COL6A3: variants seen among roughly 807,000 people sequenced by gnomAD.
The protein encoded by COL6A3 is collagen type VI alpha 3 chain.
A neutral mutation model predicts 274.1 loss-of-function variants in COL6A3; 137 were observed. The ratio of observed to expected loss-of-function variants is 0.50; its 90% CI spans 0.44 to 0.58. COL6A3 has a LOEUF of 0.58. Ranked by LOEUF, COL6A3 falls within the 20% of genes least tolerant of loss-of-function variation. The pLI is 0.00. For missense variants in COL6A3, 3,950 were observed against 4,124.9 expected, an observed-to-expected ratio of 0.96 and a Z score of 1.16; for synonymous variants, 1,650 against 1,650.6, an observed-to-expected ratio of 1.00 and a Z score of 0.01.
Position 237,324,560 on chromosome 2 carries a change from A to C in COL6A3, c.*214T>G. 1 of 569,264 alleles carries C rather than the reference A, an allele frequency of 1.8e-6. No homozygotes were observed. Among genetic ancestry groups the C allele is most frequent in the Non-Finnish European group, 3.2e-6 (1 of 314,010 alleles). The allele number at this position is 569,264 out of a possible 1,614,324, so 35.3% of individuals were successfully genotyped here. A position where few individuals can be genotyped will look rare whatever the true frequency, so the allele number is the denominator to read the frequency against. On this transcript the variant is annotated 3_prime_UTR_variant, in exon 44 of 44. Transcript: ENST00000295550. ...TTACACAACATTCAAAGTATTCGAG[A>C]GAACTGCCTGGAGACAGAGAGCGAG...
rs1298372881 is a variant in COL6A3, at chr2:237,413,211, G to T, written c.-31+742C>A. Among the ~76,000 whole-genome samples, 1 of 152,272 alleles carries T rather than the reference G, an allele frequency of 6.6e-6. No individual in the cohort carries two copies. Among genetic ancestry groups the T allele is most frequent in the African/African-American group, 2.4e-5 (1 of 41,558 alleles). ...CCTCTGTGCAGCATGGGCTGGCCCT[G>T]CAGCCCCAGGGGCCCTGCCTTAGAC... On this transcript the variant is annotated intron_variant, in intron 1 of 43. Transcript: ENST00000295550. This position sits in a 1 kb window ranked among gnomAD's most constrained non-coding sequence, Gnocchi z 4.0.
rs2106347289 is a variant in COL6A3, at chr2:237,364,394, T to A, written c.5873A>T (p.Asp1958Val). The change falls in exon 13 of 44, where the codon GAT becomes GTT. Residue 1958 changes from aspartate to valine, a missense_variant. Physicochemically the swap from Asp to Val is radical, Grantham distance 152 (BLOSUM62 -3). Around this residue, in one of 5 missense-constraint regions of COL6A3, gnomAD observed 632 missense variants for 623.4 expected, o/e 1.01. Transcript: ENST00000295550. The surrounding 1 kb of genome is among the most constrained non-coding windows in gnomAD (Gnocchi z 4.6). ...VIHFTDGADG[D>V]LADLHRASEN... The stretch of plus-strand genomic sequence containing the variant: ...AGATGCTCTGTGTAAATCAGCCAGA[T>A]CTCCGTCTGCTCCATCAGTAAAATG... The A allele has an allele frequency of 6.2e-7, 1 of 1,614,040 alleles. No homozygotes were observed. The highest frequency in any genetic ancestry group is 8.5e-7 in the Non-Finnish European group (1 of 1,179,984).
At chr2:237,346,632 T>G in intron 31 of COL6A3, 67 bp from the exon 32 acceptor site, 1 of 1,438,122 alleles carries the variant, frequency 7.0e-7, no homozygotes, top group South Asian at 1.1e-5. Flanking sequence ...CTCCTATAGT[T>G]GGAAGGTACG....
intron 39 of COL6A3, 194 bp downstream of exon 39, chr2:237,338,821 T>C: frequency 1.7e-6 from 1 of 574,328 alleles, no homozygotes; most frequent in Non-Finnish European, 3.1e-6. Flanking sequence ...AGCCACTAAG[T>C]TTTGGGTAGC....
intron 31 of COL6A3, among the ~76,000 whole-genome samples, chr2:237,347,081 C>A (rs567627773): frequency 6.6e-6 from 1 of 152,032 alleles, no homozygotes; most frequent in African/African-American, 2.4e-5. Context: ...TAATTGAAGA[C>A]TCTGCCATTT....
In COL6A3 at chr2:237,367,297, T is replaced by A. The variant is rs1268373990; in HGVS notation, c.4901-11A>T. 1.2e-6 allele frequency: 2 copies of A among 1,609,100 alleles called. No individual in the cohort carries two copies. Among genetic ancestry groups the A allele is most frequent in the African/African-American group, 1.3e-5 (1 of 74,772 alleles). ...CTGCTTTCTTCTTCTCTAGAAGTGA[T>A]TAAAGTGAAAATAAGGAGAGATTAG... On this transcript the variant is annotated splice_polypyrimidine_tract_variant and intron_variant, in intron 10 of 43. Coordinates refer to ENST00000295550, the MANE Select transcript of COL6A3 (RefSeq NM_004369.4).
intron 12 of COL6A3, among the ~76,000 whole-genome samples, chr2:237,365,224 C>T (rs768519114): frequency 1.3e-5 from 2 of 150,606 alleles, no homozygotes; most frequent in African/African-American, 4.9e-5. Flanking sequence ...ACAGCCCTGC[C>T]GACACCTCGA....
rs751115326 is a variant in COL6A3 at position 237,350,167 on chromosome 2, G to A, written c.6859C>T (p.Arg2287Trp). ...CTTACCGTCTCCCCACGAGGGCCCC[G>A]GTTCCCGATTCCTCCTTTTGGTCCT... is the stretch of plus-strand genomic sequence containing the variant. ...EPGPKGGIGN[R>W]GPRGETGDDG... The change falls in exon 28 of 44, where the codon CGG (arginine) becomes TGG (tryptophan). Residue 2287 changes from arginine (R) to tryptophan (W), a missense_variant. Arg to Trp is a moderately radical substitution (Grantham distance 101). Transcript: ENST00000295550. 26 of 1,613,946 alleles carry A rather than the reference G, an allele frequency of 1.6e-5. No individual in the cohort carries two copies. In the East Asian group the frequency reaches 1.8e-4, roughly 11 times the overall value.
chr2:237,340,255 T>C (rs886553686), intron 38 of COL6A3, among the ~76,000 whole-genome samples, 197 bp downstream of exon 38: 11 of 152,230 alleles, frequency 7.2e-5, no homozygotes, highest in Admixed American at 5.9e-4. Context: ...AGAACAAGGA[T>C]ACTGTCTGCA....
chr2:237,346,689 T>C (rs2077104257), intron 31 of COL6A3, 124 bp from the exon 32 acceptor site: 3 of 853,414 alleles, frequency 3.5e-6, no homozygotes, highest in South Asian at 1.4e-5. Context: ...GAAAAATCTC[T>C]CACTTTAAGG....
rs181226545 is a variant in COL6A3 at position 237,333,426 on chromosome 2, G to A, written c.9328+24C>T. ...TGGGTATTTTCTTAGTGCCATTAAT[G>A]GACCTAATAGTTTCACAACTCACCT... On this transcript the variant is annotated intron_variant, in intron 42 of 43. Coordinates refer to ENST00000295550, the MANE Select transcript of COL6A3 (RefSeq NM_004369.4). 3.6e-5 allele frequency: 58 copies of A among 1,597,974 alleles called. No individual in the cohort carries two copies. The Admixed American group carries it at 9.7e-4, about 27-fold the overall frequency.
In COL6A3 at chr2:237,367,250, C is replaced by T. The variant is rs761660521; in HGVS notation, c.4937G>A (p.Gly1646Asp). The T allele has an allele frequency of 1.9e-6, 3 of 1,613,786 alleles. No homozygotes were observed. The highest frequency in any genetic ancestry group is 2.5e-6 in the Non-Finnish European group (3 of 1,179,796). The change falls in exon 11 of 44, where the codon GGT becomes GAT. Residue 1646 changes from glycine (G) to aspartate (D), a missense_variant. Transcript: ENST00000295550. ...ACTGTCCCTCCTGAAGTTGATGGAACCATCCAACAGGAACACAATGTCTGC... is the reference window on the plus strand; with the variant it reads ...ACTGTCCCTCCTGAAGTTGATGGAATCATCCAACAGGAACACAATGTCTGC... ...KKADIVFLLD[G>D]SINFRRDSFQ...
chr2:237,325,842 T>A, intron 42 of COL6A3, 118 bp from the exon 43 acceptor site: 1 of 852,238 alleles, frequency 1.2e-6, no homozygotes, highest in Non-Finnish European at 1.8e-6. Context: ...AAGAAGAGCT[T>A]CCAGGTGAAA....
intron 43 of COL6A3, 99 bp downstream of exon 43, chr2:237,325,461 A>C: frequency 7.9e-7 from 1 of 1,272,000 alleles, no homozygotes; most frequent in Non-Finnish European, 1.1e-6. Flanking sequence ...TCTTTTTCAC[A>C]TGTATCATAA....
intron 36 of COL6A3, 49 bp from the exon 37 acceptor site, chr2:237,342,210 A>G: frequency 7.2e-7 from 1 of 1,379,794 alleles, no homozygotes; most frequent in Non-Finnish European, 1.0e-6. Flanking sequence ...ATGATCAGTA[A>G]TATCTGAAAA....
At position 237,374,546 on chromosome 2, in the gene COL6A3, G is replaced by A. The variant is rs768064422; in HGVS notation, c.3545C>T (p.Pro1182Leu). 4.3e-5 allele frequency: 70 copies of A among 1,614,100 alleles called. No individual in the cohort carries two copies. Among genetic ancestry groups the A allele is most frequent in the African/African-American group, 6.7e-5 (5 of 74,934 alleles). Residue 1182 changes from proline to leucine, a missense_variant, in exon 8 of 44, where the codon CCG (proline) becomes CTG (leucine). By Grantham distance (98) the Pro-to-Leu change is moderately conservative (BLOSUM62 -3). This residue lies in a region of COL6A3 where 1,934 missense variants were observed against 1,984.3 expected (regional missense o/e 0.97). Coordinates refer to ENST00000295550, the MANE Select transcript of COL6A3 (RefSeq NM_004369.4). This position sits in a 1 kb window ranked among gnomAD's most constrained non-coding sequence, Gnocchi z 4.8. ...ITEMQTISFI[P>L]DFAVAIPTFR... ...GGTGGGAATGGCCACGGCAAAGTCCGGGATGAAGGAGATGGTCTGCATCTC... is the reference window on the plus strand; with the variant it reads ...GGTGGGAATGGCCACGGCAAAGTCCAGGATGAAGGAGATGGTCTGCATCTC...
chr2:237,404,184 T>C (rs1048020095), intron 1 of COL6A3, among the ~76,000 whole-genome samples: 2 of 152,150 alleles, frequency 1.3e-5, no homozygotes, highest in African/African-American at 4.8e-5. Flanking sequence ...TGTATTATTG[T>C]AACTGGTCCA....
Position 237,369,092 on chromosome 2 carries a change from A to C in COL6A3, c.4371T>G (p.Asp1457Glu). ...VRPDGFAHIRDFVSRIVRRLN... is the reference protein window; with the variant it reads ...VRPDGFAHIREFVSRIVRRLN... ...GTCTTCGAACAATCCTGCTAACAAA[A>C]TCTCGAATATGTGCAAAGCCATCTG... Residue 1457 changes from aspartate (D) to glutamate (E), a missense_variant, in exon 10 of 44, where the codon GAT becomes GAG. By Grantham distance (45) the Asp-to-Glu change is conservative (BLOSUM62 2). Transcript: ENST00000295550. The C allele has an allele frequency of 6.2e-7, 1 of 1,614,186 alleles. No homozygotes were observed. Among genetic ancestry groups the C allele is most frequent in the South Asian group, 1.1e-5 (1 of 91,086 alleles).
intron 7 of COL6A3, among the ~76,000 whole-genome samples, chr2:237,375,324 C>A (rs2077809031): frequency 6.6e-6 from 1 of 152,096 alleles, no homozygotes; most frequent in South Asian, 2.1e-4. Flanking sequence ...TGCCAAGCTG[C>A]TGGCAATGAG....
Sources: gnomAD v4.1 joint callset for allele counts (sites outside exome capture counted in the v4.1 genomes callset) on GRCh38, gnomAD v4.1.1 for gene constraint, gnomAD v4.1.1 regional missense constraint, Gnocchi (gnomAD v3.1) non-coding constraint, MANE v1.5 for transcripts, NCBI Gene and HGNC (gene_info 2026-07-23, HGNC 2026-07-21) for gene names.